The following DOCK4 variants were observed in gnomAD, a reference collection of about 807,000 sequenced individuals.
DOCK4 encodes dedicator of cytokinesis 4.
A neutral mutation model predicts 268.1 loss-of-function variants in DOCK4; 97 were observed. That is an observed-to-expected ratio of 0.36 (90% CI 0.31 to 0.43). The LOEUF is 0.43. Among genes scored for constraint, DOCK4 ranks in the 20% least tolerant of loss-of-function variants. DOCK4 has a pLI of 1.00. For missense variants in DOCK4, 2,145 were observed against 2,455.7 expected (o/e 0.87, Z 2.67); for synonymous variants, 954 against 887.2 (o/e 1.08, Z -1.34).
intron 1 of DOCK4, among the ~76,000 whole-genome samples, chr7:112,026,718 T>C (rs374881339): frequency 6.6e-6 from 1 of 152,244 alleles, no homozygotes; most frequent in Non-Finnish European, 1.5e-5. Flanking sequence ...GCTTTTGCAC[T>C]ATAATGACAG....
At chr7:112,049,607 TA>T (rs1483606981) in intron 1 of DOCK4, among the ~76,000 whole-genome samples, 1 of 152,124 alleles carries the variant, frequency 6.6e-6, no homozygotes, top group Non-Finnish European at 1.5e-5. Context: ...CATATTGGAT[TA>T]AAAAAGCAAG....
chr7:112,082,066 T>C (rs758416793), intron 1 of DOCK4, among the ~76,000 whole-genome samples: 1 of 152,098 alleles, frequency 6.6e-6, no homozygotes, highest in Non-Finnish European at 1.5e-5. Context: ...GGGAATTACA[T>C]GACATTATAC....
At chr7:111,983,144 C>T (rs537289771) in intron 7 of DOCK4, among the ~76,000 whole-genome samples, 25 of 152,116 alleles carry the variant, frequency 1.6e-4, no homozygotes, top group Non-Finnish European at 3.1e-4. Flanking sequence ...TTCCAACTGA[C>T]ACAATGAAGT....
intron 6 of DOCK4, among the ~76,000 whole-genome samples, chr7:111,988,586 T>C (rs1394148195): frequency 6.6e-6 from 1 of 152,224 alleles, no homozygotes; most frequent in African/African-American, 2.4e-5. Flanking sequence ...ATAAGACTTT[T>C]CACAGAAGCT....
chr7:112,175,100 T>C (rs1301834654), intron 1 of DOCK4, among the ~76,000 whole-genome samples: 1 of 152,048 alleles, frequency 6.6e-6, no homozygotes, highest in East Asian at 1.9e-4. Context: ...CCTGACCTCG[T>C]GATCTGCCCG....
chr7:111,861,759 AATAAT>A (rs1236868186), intron 23 of DOCK4, among the ~76,000 whole-genome samples: 2 of 63,130 alleles, frequency 3.2e-5, no homozygotes, highest in Admixed American at 1.5e-4. Context: ...AAAAAAAAAA[AATAAT>A]AATAATAATA....
intron 23 of DOCK4, among the ~76,000 whole-genome samples, chr7:111,859,681 C>G (rs931877123): frequency 2.0e-5 from 3 of 149,740 alleles, no homozygotes; most frequent in Non-Finnish European, 4.5e-5. Context: ...CATTCTCCTG[C>G]CTCAGCCTCC....
intron 13 of DOCK4, among the ~76,000 whole-genome samples, chr7:111,904,188 A>G (rs1485336517): frequency 6.6e-6 from 1 of 152,190 alleles, no homozygotes; most frequent in African/African-American, 2.4e-5. Flanking sequence ...TGCCAGCATC[A>G]CAAAATTCTT....
chr7:111,872,886 C>CT (rs1170311721), intron 17 of DOCK4, among the ~76,000 whole-genome samples: 4 of 152,206 alleles, frequency 2.6e-5, no homozygotes, highest in African/African-American at 9.6e-5. Context: ...CACAGTAGCA[C>CT]TTACAAATCC....
At chr7:111,800,166 CTG>C (rs1381629683) in intron 30 of DOCK4, among the ~76,000 whole-genome samples, 2 of 150,422 alleles carry the variant, frequency 1.3e-5, no homozygotes, top group African/African-American at 4.9e-5. Context: ...TAGGAAAAGA[CTG>C]TTATTTAAAA....
chr7:112,166,811 A>G (rs1817648483), intron 1 of DOCK4, among the ~76,000 whole-genome samples: 1 of 152,220 alleles, frequency 6.6e-6, no homozygotes, highest in South Asian at 2.1e-4. Flanking sequence ...ATAAATTCTG[A>G]TAACTATATC....
chr7:112,060,726 A>G (rs1035352030), intron 1 of DOCK4, among the ~76,000 whole-genome samples: 2 of 152,252 alleles, frequency 1.3e-5, no homozygotes, highest in Non-Finnish European at 2.9e-5. Flanking sequence ...GCACAAAAAG[A>G]CAAATACTGT....
At chr7:111,985,351 G>A (rs944442935) in intron 6 of DOCK4, among the ~76,000 whole-genome samples, 4 of 152,128 alleles carry the variant, frequency 2.6e-5, no homozygotes, top group Admixed American at 6.5e-5. Flanking sequence ...ATCCAAGGCC[G>A]AATGCTCAGT....
chr7:111,751,598 C>T (rs1045014422), intron 42 of DOCK4, among the ~76,000 whole-genome samples: 1 of 152,096 alleles, frequency 6.6e-6, no homozygotes, highest in Non-Finnish European at 1.5e-5. Flanking sequence ...GCGTGATCCA[C>T]CATGCCCAGC....
chr7:111,940,077 T>C (rs73428869), intron 11 of DOCK4, 33 bp downstream of exon 11: 132,597 of 1,612,142 alleles, frequency 0.082, 8,283 homozygotes, highest in East Asian at 0.35. Context: ...CCCCTGTGCC[T>C]ACCCCAGCCA....
rs145028317 is a variant in DOCK4, at chr7:112,067,882, A to C, written c.38-63751T>G. On this transcript the variant is annotated intron_variant, in intron 1 of 52. Coordinates refer to ENST00000428084, the MANE Select transcript of DOCK4 (RefSeq NM_001363540.2). ...ACCCTGGCTGTTTGTTGCCACTGGCAGTTTAATTATTAGCATTTTTGGTGA... is the reference window on the plus strand; with the variant it reads ...ACCCTGGCTGTTTGTTGCCACTGGCCGTTTAATTATTAGCATTTTTGGTGA... Among the ~76,000 whole-genome samples, 63 of 152,362 alleles carry C rather than the reference A, an allele frequency of 4.1e-4. 1 individual carries two copies. The highest frequency in any genetic ancestry group is 1.5e-3 in the African/African-American group (62 of 41,588).
At chr7:111,779,243 A>T (rs987650098) in intron 35 of DOCK4, among the ~76,000 whole-genome samples, 2 of 152,156 alleles carry the variant, frequency 1.3e-5, no homozygotes, top group Admixed American at 1.3e-4. Context: ...TTATGTCCAA[A>T]ACATAAAGGG....
At chr7:112,099,222 G>A (rs1810441612) in intron 1 of DOCK4, among the ~76,000 whole-genome samples, 1 of 151,544 alleles carries the variant, frequency 6.6e-6, no homozygotes. Flanking sequence ...AGCCCAGGAG[G>A]CAGAGGTGGC....
intron 30 of DOCK4, among the ~76,000 whole-genome samples, chr7:111,794,336 C>T (rs758223365): frequency 1.3e-5 from 2 of 152,098 alleles, no homozygotes; most frequent in Non-Finnish European, 2.9e-5. Context: ...GTCTGGGGCT[C>T]GAGACAGAGG....
Sources: gnomAD v4.1 joint callset for allele counts (sites outside exome capture counted in the v4.1 genomes callset) on GRCh38, gnomAD v4.1.1 for gene constraint, MANE v1.5 for transcripts, NCBI Gene and HGNC (gene_info 2026-07-23, HGNC 2026-07-21) for gene names.